The following IFIT3 variants were observed in gnomAD, a reference collection of about 807,000 sequenced individuals.
The protein encoded by IFIT3 is interferon-induced protein with tetratricopeptide repeats 3.
IFIT3 carries 2 observed loss-of-function variants against 2.4 expected under a neutral mutation model. That is an observed-to-expected ratio of 0.82 (90% confidence interval 0.34 to 2.60). The LOEUF (loss-of-function observed/expected upper bound fraction) is 2.60, where lower values mean the gene tolerates loss of function less well. Among genes scored for constraint, IFIT3 ranks in the 30% most tolerant of loss-of-function variants. The pLI, the probability that IFIT3 is intolerant of heterozygous loss-of-function variation, is 0.11. For synonymous variants in IFIT3, 203 were observed against 212.1 expected (o/e 0.96, Z 0.37); for missense variants, 481 against 562.4 (o/e 0.86, Z 1.46).
intron 1 of IFIT3, among the ~76,000 whole-genome samples, chr10:89,331,858 CAAA>C (rs10540155): frequency 0.32 from 25,128 of 79,656 alleles, 2,034 homozygotes; most frequent in African/African-American, 0.33. Context: ...GATCCTGTCT[CAAA>C]AAAAAAAAAA....
In IFIT3 at chr10:89,339,316, A is replaced by C. The variant is rs1843807905; in HGVS notation, c.661A>C (p.Asn221His). The C allele has an allele frequency of 2.5e-6, 4 of 1,613,796 alleles. No homozygotes were observed. Among genetic ancestry groups the C allele is most frequent in the Non-Finnish European group, 3.4e-6 (4 of 1,179,896 alleles). Residue 221 changes from asparagine to histidine, a missense_variant, in exon 2 of 2, where the codon AAT becomes CAT. Coordinates refer to ENST00000371818, the MANE Select transcript of IFIT3 (RefSeq NM_001549.6). ...VLLGLKLQKMNKEAEGEQFVE... is the reference protein window; with the variant it reads ...VLLGLKLQKMHKEAEGEQFVE... ...CTTGGGCCTGAAACTGCAGAAGATG[A>C]ATAAAGAAGCTGAAGGAGAGCAGTT...
In IFIT3 at chr10:89,332,408, G is replaced by T. The variant is rs1042043593; in HGVS notation, c.5+4330G>T. 3.5e-6 allele frequency: 4 copies of T among 1,157,586 alleles called. No homozygotes were observed. In the African/African-American group the frequency reaches 6.3e-5, roughly 18 times the overall value. The allele number at this position is 1,157,586 out of a possible 1,614,324, so 71.7% of individuals were successfully genotyped here. Reference sequence around the variant, plus strand: ...TCTGTCTGGAACATGTTCCTGGCGTGAGTGAGCTCAGTTCTCACAGATTCT... The same window carrying T: ...TCTGTCTGGAACATGTTCCTGGCGTTAGTGAGCTCAGTTCTCACAGATTCT... On this transcript the variant is annotated intron_variant, in intron 1 of 1. Transcript: ENST00000371818.
At chr10:89,338,022 G>A (rs1401499469) in intron 1 of IFIT3, among the ~76,000 whole-genome samples, 2 of 152,180 alleles carry the variant, frequency 1.3e-5, no homozygotes, top group African/African-American at 2.4e-5. Context: ...GTAGGCTAAT[G>A]TAAGGGTTCT....
At chr10:89,331,112 A>G (rs529004261) in intron 1 of IFIT3, among the ~76,000 whole-genome samples, 5 of 152,230 alleles carry the variant, frequency 3.3e-5, no homozygotes, top group Admixed American at 1.3e-4. Flanking sequence ...GACTGTTTAC[A>G]TAGGCAAAGA....
At position 89,339,879 on chromosome 10, in the gene IFIT3, T is replaced by C. The variant is rs780330986; in HGVS notation, c.1224T>C (p.Asn408=). The C allele has an allele frequency of 5.0e-6, 8 of 1,614,170 alleles. No individual in the cohort carries two copies. Among genetic ancestry groups the C allele is most frequent in the Non-Finnish European group, 6.8e-6 (8 of 1,180,000 alleles). The change falls in exon 2 of 2, where the codon AAT becomes AAC. Residue 408 remains asparagine, a synonymous_variant. Coordinates refer to ENST00000371818, the MANE Select transcript of IFIT3 (RefSeq NM_001549.6). ...ACCAACCACAGAATGTATCTGAAAATCTGCTTCCACAAAATGCACCAAATT... is the reference window on the plus strand; with the variant it reads ...ACCAACCACAGAATGTATCTGAAAACCTGCTTCCACAAAATGCACCAAATT... ...IKDQPQNVSE[N]LLPQNAPNYW... is the part of the protein sequence containing the mutation.
chr10:89,333,427 C>G (rs1332374794), intron 1 of IFIT3, among the ~76,000 whole-genome samples: 1 of 152,172 alleles, frequency 6.6e-6, no homozygotes, highest in Non-Finnish European at 1.5e-5. Context: ...TGTCCATCTC[C>G]AAATCCTCTC....
chr10:89,335,419 G>A (rs539822637), intron 1 of IFIT3: 3 of 151,656 alleles, frequency 2.0e-5, no homozygotes, highest in African/African-American at 7.3e-5. Context: ...GATATCTTCT[G>A]AAGCTGACAC....
At position 89,340,376 on chromosome 10, in the gene IFIT3, G is replaced by A. The variant is rs1351796471; in HGVS notation, c.*248G>A. 5 of 294,264 alleles carry A rather than the reference G, an allele frequency of 1.7e-5. No homozygotes were observed. The highest frequency in any genetic ancestry group is 3.2e-5 in the Non-Finnish European group (5 of 156,556). 18.2% of individuals were successfully genotyped at this position (294,264 alleles called of 1,614,324 possible). A position where few individuals can be genotyped will look rare whatever the true frequency, so the allele number is the denominator to read the frequency against. Reference sequence around the variant, plus strand: ...GTTTGAGACCATCCTGGCTAACACAGTGAAATCCCGTCTCTACTAAAAATA... The same window carrying A: ...GTTTGAGACCATCCTGGCTAACACAATGAAATCCCGTCTCTACTAAAAATA... On this transcript the variant is annotated 3_prime_UTR_variant, in exon 2 of 2. Transcript: ENST00000371818.
Position 89,340,098 on chromosome 10 carries a change from G to A in IFIT3, c.1443G>A (p.Glu481=). The change falls in exon 2 of 2, where the codon GAG becomes GAA. Residue 481 remains glutamate (E), a synonymous_variant. Transcript: ENST00000371818. ...GCGCAGTCAGCTCCAGTCCCAGAGA[G>A]CTCCTCTCTAACTCAGAGCAACTGA... is the stretch of plus-strand genomic sequence containing the variant. ...GQGAVSSSPR[E]LLSNSEQLN is the part of the protein sequence containing the mutation. 1 of 1,608,494 alleles carries A rather than the reference G, an allele frequency of 6.2e-7. No individual in the cohort carries two copies. The highest frequency in any genetic ancestry group is 8.5e-7 in the Non-Finnish European group (1 of 1,176,980).
chr10:89,337,903 G>A (rs1219323232), intron 1 of IFIT3, among the ~76,000 whole-genome samples: 3 of 152,178 alleles, frequency 2.0e-5, no homozygotes, highest in Non-Finnish European at 4.4e-5. Context: ...GTACAAAAGT[G>A]ATAATTCCAT....
At position 89,340,328 on chromosome 10, in the gene IFIT3, G is replaced by T. The variant is rs1843844529; in HGVS notation, c.*200G>T. 1 of 476,004 alleles carries T rather than the reference G, an allele frequency of 2.1e-6. No individual in the cohort carries two copies. The highest frequency in any genetic ancestry group is 1.9e-5 in the African/African-American group (1 of 51,946). 29.5% of individuals were successfully genotyped at this position (476,004 alleles called of 1,614,324 possible). A position where few individuals can be genotyped will look rare whatever the true frequency, so the allele number is the denominator to read the frequency against. ...AATCCCAGCACTTTGGGAGGCCGAG[G>T]TGGGCGGATCACGAGGTCTGGAGTT... On this transcript the variant is annotated 3_prime_UTR_variant, in exon 2 of 2. Transcript: ENST00000371818.
chr10:89,336,993 T>G (rs1367610691), intron 1 of IFIT3, among the ~76,000 whole-genome samples: 1 of 152,222 alleles, frequency 6.6e-6, no homozygotes, highest in Non-Finnish European at 1.5e-5. Flanking sequence ...CTTTAGTATC[T>G]TCCAACTACA....
At chr10:89,336,526 C>T (rs2133559019) in intron 1 of IFIT3, among the ~76,000 whole-genome samples, 1 of 152,270 alleles carries the variant, frequency 6.6e-6, no homozygotes, top group South Asian at 2.1e-4. Flanking sequence ...AGTACACTTG[C>T]AGTAGCGGTG....
intron 1 of IFIT3, chr10:89,338,437 G>A (rs1843783130): frequency 1.9e-6 from 1 of 529,594 alleles, no homozygotes; most frequent in Admixed American, 3.3e-5. Context: ...TCAACAGAAT[G>A]GATAATGCCC....
In IFIT3 at chr10:89,339,955, G is replaced by A; in HGVS notation, c.1300G>A (p.Ala434Thr). 1 of 1,614,214 alleles carries A rather than the reference G, an allele frequency of 6.2e-7. No homozygotes were observed. Among genetic ancestry groups the A allele is most frequent in the South Asian group, 1.1e-5 (1 of 91,086 alleles). The change falls in exon 2 of 2, where the codon GCA becomes ACA. Residue 434 changes from alanine (A) to threonine (T), a missense_variant. Coordinates refer to ENST00000371818, the MANE Select transcript of IFIT3 (RefSeq NM_001549.6). Reference protein sequence around the residue: ...IHKQNGDLLQAAKCYEKELGR... With the variant: ...IHKQNGDLLQTAKCYEKELGR... ...TAAGCAGAATGGAGATCTGCTGCAAGCAGCCAAATGTTATGAGAAGGAACT... is the reference window on the plus strand; with the variant it reads ...TAAGCAGAATGGAGATCTGCTGCAAACAGCCAAATGTTATGAGAAGGAACT...
Position 89,338,691 on chromosome 10 carries a change from CCT to C in IFIT3, c.37_38del (p.Leu13SerfsTer24). 15 of 1,613,154 alleles carry C rather than the reference CCT, an allele frequency of 9.3e-6. No individual in the cohort carries two copies. Among genetic ancestry groups the C allele is most frequent in the Non-Finnish European group, 1.3e-5 (15 of 1,179,290 alleles). The part of the protein sequence containing the change: ...EVTKNSLEKI[L>X]PQLKCHFTWN... Reference sequence around the variant, plus strand: ...TCACCAAGAATTCCCTGGAGAAAATCCTTCCACAGCTGAAATGCCATTTCACC... The same window carrying C: ...TCACCAAGAATTCCCTGGAGAAAATCTCCACAGCTGAAATGCCATTTCACC... On this transcript the variant is annotated frameshift_variant, in exon 2 of 2. Coordinates refer to ENST00000371818, the MANE Select transcript of IFIT3 (RefSeq NM_001549.6). LOFTEE classifies it low-confidence loss of function (END_TRUNC).
At position 89,338,951 on chromosome 10, in the gene IFIT3, A is replaced by G. The variant is rs1843796707; in HGVS notation, c.296A>G (p.Asn99Ser). Residue 99 changes from asparagine (N) to serine (S), a missense_variant, in exon 2 of 2, where the codon AAC becomes AGC. Asn to Ser is a conservative substitution (Grantham distance 46). Coordinates refer to ENST00000371818, the MANE Select transcript of IFIT3 (RefSeq NM_001549.6). ...AEIRSLVTWG[N>S]YAWVYYHLGR... Reference sequence around the variant, plus strand: ...ATCAGAAGTCTAGTCACTTGGGGAAACTACGCCTGGGTCTACTATCACTTG... The same window carrying G: ...ATCAGAAGTCTAGTCACTTGGGGAAGCTACGCCTGGGTCTACTATCACTTG... 1 of 1,614,092 alleles carries G rather than the reference A, an allele frequency of 6.2e-7. No homozygotes were observed. Among genetic ancestry groups the G allele is most frequent in the Non-Finnish European group, 8.5e-7 (1 of 1,180,032 alleles).
chr10:89,332,689 T>C lies in IFIT3; in HGVS notation c.5+4611T>C, dbSNP rs893801260. ...TTCTTATGTACAACTTCCTGACTTATGCTATTTCAGTGTTTGCTTAGAGAT... is the reference window on the plus strand; with the variant it reads ...TTCTTATGTACAACTTCCTGACTTACGCTATTTCAGTGTTTGCTTAGAGAT... On this transcript the variant is annotated intron_variant, in intron 1 of 1. Transcript: ENST00000371818. 134 of 1,525,586 alleles carry C rather than the reference T, an allele frequency of 8.8e-5. No homozygotes were observed. In the South Asian group the frequency reaches 9.5e-4, roughly 11 times the overall value. 94.5% of individuals were successfully genotyped at this position (1,525,586 alleles called of 1,614,324 possible). A position where few individuals can be genotyped will look rare whatever the true frequency, so the allele number is the denominator to read the frequency against.
intron 1 of IFIT3, among the ~76,000 whole-genome samples, chr10:89,328,621 T>C (rs1400108169): frequency 6.6e-6 from 1 of 152,250 alleles, no homozygotes; most frequent in African/African-American, 2.4e-5. Flanking sequence ...AACGTTGCAT[T>C]ACTTTAAGGT....
Sources: allele counts gnomAD v4.1 joint callset (sites outside exome capture counted in the v4.1 genomes callset), GRCh38; gene constraint gnomAD v4.1.1; transcripts MANE v1.5; gene names NCBI Gene and HGNC (gene_info 2026-07-23, HGNC 2026-07-21).